Variants in HTR4 observed in about 807,000 individuals in gnomAD.
HTR4 encodes 5-hydroxytryptamine (serotonin) receptor 4, G protein-coupled.
A neutral mutation model predicts 36.8 loss-of-function variants in HTR4; 16 were observed. The ratio of observed to expected loss-of-function variants is 0.43; its 90% CI spans 0.29 to 0.66. HTR4 has a LOEUF of 0.66. HTR4 is among the 30% of genes least tolerant of loss of function. The pLI, the probability that HTR4 is intolerant of heterozygous loss-of-function variation, is 0.13. For missense variants in HTR4, 438 were observed against 490.9 expected, an observed-to-expected ratio of 0.89 and a Z score of 1.02; for synonymous variants, 189 against 185.1, an observed-to-expected ratio of 1.02 and a Z score of -0.17.
chr5:148,495,753 A>T (rs1384593277), intron 6 of HTR4, among the ~76,000 whole-genome samples: 1 of 152,192 alleles, frequency 6.6e-6, no homozygotes, highest in Non-Finnish European at 1.5e-5. Context: ...GGCTTCCAAA[A>T]GGAATTTTCT....
At chr5:148,642,826 A>AT (rs981772569) in intron 1 of HTR4, among the ~76,000 whole-genome samples, 94 of 152,066 alleles carry the variant, frequency 6.2e-4, no homozygotes, top group African/African-American at 1.9e-3. Flanking sequence ...TGTCCTAGCA[A>AT]TTTTTTTTAA....
At chr5:148,569,762 T>G (rs947263127) in intron 2 of HTR4, among the ~76,000 whole-genome samples, 1 of 151,944 alleles carries the variant, frequency 6.6e-6, no homozygotes, top group Admixed American at 6.6e-5. Flanking sequence ...CAGAAATGCA[T>G]ATGTATGCAT....
chr5:148,616,521 C>T (rs961066783), intron 2 of HTR4, among the ~76,000 whole-genome samples: 3 of 152,144 alleles, frequency 2.0e-5, no homozygotes, highest in African/African-American at 7.2e-5. Flanking sequence ...CCCTTGTGAT[C>T]AGTATTTACC....
chr5:148,641,411 C>A (rs1753725221), intron 1 of HTR4, among the ~76,000 whole-genome samples: 1 of 152,094 alleles, frequency 6.6e-6, no homozygotes, highest in South Asian at 2.1e-4. Context: ...TAATCCCCTT[C>A]GGAGAAACAG....
intron 2 of HTR4, among the ~76,000 whole-genome samples, chr5:148,600,933 G>A (rs924864468): frequency 2.7e-5 from 3 of 110,114 alleles, no homozygotes; most frequent in Admixed American, 1.1e-4. Context: ...TTTGATAAAC[G>A]GTTAATATTC....
chr5:148,653,786 T>C (rs1335266938), intron 1 of HTR4, among the ~76,000 whole-genome samples: 1 of 152,104 alleles, frequency 6.6e-6, no homozygotes, highest in African/African-American at 2.4e-5. Context: ...GTATAGTCAG[T>C]GAGCACACAT....
intron 5 of HTR4, among the ~76,000 whole-genome samples, chr5:148,512,734 C>G (rs1232699327): frequency 6.6e-6 from 1 of 152,144 alleles, no homozygotes; most frequent in East Asian, 1.9e-4. Flanking sequence ...AGTTTAAGAC[C>G]AGCCTGGCCA....
At chr5:148,484,107 A>C (rs1756033270) in intron 6 of HTR4, among the ~76,000 whole-genome samples, 1 of 152,130 alleles carries the variant, frequency 6.6e-6, no homozygotes, top group Non-Finnish European at 1.5e-5. Flanking sequence ...ATTATTTAGC[A>C]CCCACTCAAA....
intron 2 of HTR4, among the ~76,000 whole-genome samples, chr5:148,574,819 C>G (rs889210077): frequency 6.6e-6 from 1 of 152,022 alleles, no homozygotes; most frequent in Non-Finnish European, 1.5e-5. Context: ...GTGAAATTTC[C>G]ACCCACCACA....
At chr5:148,461,621 C>A (rs1755279952) in intron 5 of HTR4, among the ~76,000 whole-genome samples, 1 of 151,844 alleles carries the variant, frequency 6.6e-6, no homozygotes, top group African/African-American at 2.4e-5. Context: ...ATACAGGAGG[C>A]AAAAACTAAG....
At chr5:148,471,181 A>G (rs958994598) in intron 5 of HTR4, among the ~76,000 whole-genome samples, 1 of 152,200 alleles carries the variant, frequency 6.6e-6, no homozygotes, top group Non-Finnish European at 1.5e-5. Flanking sequence ...TTACTGAGTT[A>G]GGGATACTGT....
rs1283748135 is a variant in HTR4, at chr5:148,590,946, G to GT, written c.27-40685dup. Among the ~76,000 whole-genome samples the GT allele has an allele frequency of 2.6e-5, 4 of 152,150 alleles. No homozygotes were observed. The East Asian group carries it at 7.7e-4, about 29-fold the overall frequency. On this transcript the variant is annotated intron_variant, in intron 2 of 6. Coordinates refer to ENST00000377888, the MANE Select transcript of HTR4 (RefSeq NM_000870.7). ...CGTATTGCCTGGCTTGGCTTCCAGG[G>GT]TTTTTACAGTTTTGGGTTTTACATT...
intron 2 of HTR4, among the ~76,000 whole-genome samples, chr5:148,579,191 G>A (rs1052304728): frequency 6.6e-6 from 1 of 152,046 alleles, no homozygotes; most frequent in African/African-American, 2.4e-5. Flanking sequence ...GAGCCTGGGG[G>A]CACAGCCAAT....
At chr5:148,510,122 A>G (rs1757427685) in intron 5 of HTR4, 98 bp from the exon 6 acceptor site, 3 of 736,280 alleles carry the variant, frequency 4.1e-6, no homozygotes, top group Non-Finnish European at 4.4e-6. Context: ...GTGAGAAAAG[A>G]AAAAGGGAAA....
chr5:148,606,334 A>T (rs1752162589), intron 2 of HTR4, among the ~76,000 whole-genome samples: 1 of 152,158 alleles, frequency 6.6e-6, no homozygotes, highest in East Asian at 1.9e-4. Context: ...GGCAGGTGTA[A>T]ATATGAGGTA....
At chr5:148,644,422 G>GTTTTTTTTTTT (rs1175588280) in intron 1 of HTR4, among the ~76,000 whole-genome samples, 5 of 40,616 alleles carry the variant, frequency 1.2e-4, no homozygotes, top group Admixed American at 8.9e-4. Flanking sequence ...AAGCTCACAA[G>GTTTTTTTTTTT]TTTTTTTTTT....
At chr5:148,631,842 ATTAATG>A (rs1344974766) in intron 2 of HTR4, among the ~76,000 whole-genome samples, 1 of 152,144 alleles carries the variant, frequency 6.6e-6, no homozygotes, top group African/African-American at 2.4e-5. Flanking sequence ...ATGGTTTTTA[ATTAATG>A]TTGTTGCATG....
At chr5:148,543,725 A>T (rs982775855) in intron 4 of HTR4, among the ~76,000 whole-genome samples, 3 of 152,322 alleles carry the variant, frequency 2.0e-5, no homozygotes, top group Non-Finnish European at 2.9e-5. Flanking sequence ...ATTGTGACTT[A>T]AAAAATCTGT....
intron 2 of HTR4, among the ~76,000 whole-genome samples, chr5:148,628,279 C>T (rs1475880827): frequency 1.3e-5 from 2 of 152,202 alleles, no homozygotes; most frequent in Non-Finnish European, 2.9e-5. Flanking sequence ...ACTAGCTTCA[C>T]CTCTTTCTAG....
Sources: allele counts gnomAD v4.1 joint callset (sites outside exome capture counted in the v4.1 genomes callset), GRCh38; gene constraint gnomAD v4.1.1; transcripts MANE v1.5; gene names NCBI Gene and HGNC (gene_info 2026-07-23, HGNC 2026-07-21).